CNOT1: variants seen among roughly 807,000 people sequenced by gnomAD.
CNOT1 encodes the protein CCR4-NOT transcription complex subunit 1.
Under a neutral mutation model 273.8 loss-of-function variants are expected in CNOT1, and 15 were observed. The ratio of observed to expected loss-of-function variants is 0.05; its 90% CI spans 0.04 to 0.08. The LOEUF is 0.08. CNOT1 is among the 10% of genes least tolerant of loss of function. The pLI is 1.00. For missense variants in CNOT1, 1,644 were observed against 2,912.2 expected (o/e 0.56, Z 10.02); for synonymous variants, 1,022 against 1,005.5 (o/e 1.02, Z -0.31).
intron 21 of CNOT1, among the ~76,000 whole-genome samples, chr16:58,554,235 AGTAAC>A (rs1252092321): frequency 6.6e-6 from 1 of 152,130 alleles, no homozygotes; most frequent in Admixed American, 6.5e-5. Context: ...ACTGAAACGT[AGTAAC>A]GTAAGTCTCA....
intron 20 of CNOT1, 31 bp downstream of exon 20, chr16:58,555,753 A>C: frequency 1.2e-6 from 2 of 1,612,782 alleles, no homozygotes; most frequent in Non-Finnish European, 1.7e-6. Context: ...TGGCCTAAAC[A>C]ATAAATAAGT....
intron 16 of CNOT1, among the ~76,000 whole-genome samples, chr16:58,560,982 G>A (rs542759318): frequency 1.3e-5 from 2 of 152,168 alleles, no homozygotes; most frequent in South Asian, 4.1e-4. Flanking sequence ...CCGAGATCGC[G>A]CCACTGCACT....
At position 58,540,450 on chromosome 16, in the gene CNOT1, A is replaced by C. The variant is rs557500029; in HGVS notation, c.4801-491T>G. ...ACCTAGTCATGAGAATACACTGGAC[A>C]AACAAATCAAGTCATTTAGAAAATA... On this transcript the variant is annotated intron_variant, in intron 34 of 48. Coordinates refer to ENST00000317147, the MANE Select transcript of CNOT1 (RefSeq NM_016284.5). Among the ~76,000 whole-genome samples, 264 of 152,366 alleles carry C rather than the reference A, an allele frequency of 1.7e-3. 2 individuals carry two copies. The highest frequency in any genetic ancestry group is 6.2e-3 in the African/African-American group (258 of 41,592).
At chr16:58,619,523 G>T (rs543314086) in intron 1 of CNOT1, among the ~76,000 whole-genome samples, 9 of 152,008 alleles carry the variant, frequency 5.9e-5, no homozygotes, top group African/African-American at 2.2e-4. Context: ...CGCCTCCCAG[G>T]TTCAAGCAAT....
Position 58,551,242 on chromosome 16 carries a change from A to G in CNOT1, c.3232T>C (p.Leu1078=). ...TCAGTTTGATCTGTGGCCACAAGCA[A>G]CGTATCTATATTTGTAGTATTAATA... ...PSINTTNIDT[L]LVATDQTERI... Residue 1078 remains leucine (L), a synonymous_variant, in exon 24 of 49, where the codon TTG becomes CTG. Coordinates refer to ENST00000317147, the MANE Select transcript of CNOT1 (RefSeq NM_016284.5). The G allele has an allele frequency of 6.2e-7, 1 of 1,601,402 alleles. No individual in the cohort carries two copies. The highest frequency in any genetic ancestry group is 8.5e-7 in the Non-Finnish European group (1 of 1,177,232).
chr16:58,561,972 CAGGTCAGAAGCTG>C (rs1190689747), intron 16 of CNOT1, among the ~76,000 whole-genome samples: 3 of 152,058 alleles, frequency 2.0e-5, no homozygotes, highest in South Asian at 2.1e-4. Flanking sequence ...GTCAGAAACT[CAGGTCAGAAGCTG>C]AGGTCAGAAG....
intron 1 of CNOT1, among the ~76,000 whole-genome samples, chr16:58,622,392 G>A (rs999254287): frequency 6.8e-6 from 1 of 146,650 alleles, no homozygotes; most frequent in Non-Finnish European, 1.5e-5. Context: ...TATTGGGGCA[G>A]GAGATAATAC....
intron 1 of CNOT1, among the ~76,000 whole-genome samples, chr16:58,621,780 G>A (rs1287282960): frequency 1.3e-5 from 2 of 148,740 alleles, no homozygotes; most frequent in Non-Finnish European, 3.0e-5. Context: ...CAAATTAGCC[G>A]GGTGCCTGTA....
chr16:58,625,244 G>A (rs1360533445), intron 1 of CNOT1, among the ~76,000 whole-genome samples: 1 of 152,154 alleles, frequency 6.6e-6, no homozygotes, highest in Non-Finnish European at 1.5e-5. Context: ...CCTGGGCAGT[G>A]GCTCACGCCT....
intron 1 of CNOT1, among the ~76,000 whole-genome samples, chr16:58,616,553 A>G (rs191787812): frequency 6.6e-6 from 1 of 152,314 alleles, no homozygotes; most frequent in African/African-American, 2.4e-5. Flanking sequence ...CACAGCATCC[A>G]GCTGGTTTTT....
chr16:58,625,470 C>G (rs1351719962), intron 1 of CNOT1, among the ~76,000 whole-genome samples: 1 of 152,036 alleles, frequency 6.6e-6, no homozygotes, highest in Non-Finnish European at 1.5e-5. Flanking sequence ...AGAGATCACA[C>G]TATTGCACTC....
chr16:58,540,925 G>T (rs953487315), intron 34 of CNOT1, among the ~76,000 whole-genome samples: 1 of 152,094 alleles, frequency 6.6e-6, no homozygotes, highest in East Asian at 1.9e-4. Flanking sequence ...AAATGGGAAG[G>T]CTGGGCACAA....
In CNOT1 at chr16:58,602,567, A is replaced by C. The variant is rs988521758; in HGVS notation, c.-174-3056T>G. Among the ~76,000 whole-genome samples the C allele has an allele frequency of 6.0e-4, 87 of 146,108 alleles. 2 individuals are homozygous for C. Among genetic ancestry groups the C allele is most frequent in the African/African-American group, 1.9e-3 (75 of 40,384 alleles). Reference sequence around the variant, plus strand: ...GACTCTGTCTCCAAAAAAAAAAAAAAAAAAAAAAAACCCATCCATAAATTA... The same window carrying C: ...GACTCTGTCTCCAAAAAAAAAAAAACAAAAAAAAAACCCATCCATAAATTA... On this transcript the variant is annotated intron_variant, in intron 1 of 48. Coordinates refer to ENST00000317147, the MANE Select transcript of CNOT1 (RefSeq NM_016284.5).
intron 41 of CNOT1, 39 bp from the exon 42 acceptor site, chr16:58,532,114 C>T (rs201730888): frequency 8.2e-5 from 132 of 1,613,104 alleles, no homozygotes; most frequent in Non-Finnish European, 1.0e-4. Context: ...CACAGTCCAA[C>T]TTAAATACAG....
At chr16:58,612,162 T>C (rs1420608134) in intron 1 of CNOT1, among the ~76,000 whole-genome samples, 1 of 151,998 alleles carries the variant, frequency 6.6e-6, no homozygotes, top group Admixed American at 6.6e-5. Flanking sequence ...GGCAGTTTGG[T>C]TTCCCACAGC....
chr16:58,534,516 C>T, intron 39 of CNOT1, 121 bp from the exon 40 acceptor site: 1 of 1,117,698 alleles, frequency 8.9e-7, no homozygotes, highest in Admixed American at 2.8e-5. Context: ...ATTTCTAATT[C>T]TTACATTGTA....
intron 39 of CNOT1, 63 bp from the exon 40 acceptor site, chr16:58,534,458 C>T (rs2151907657): frequency 3.9e-6 from 6 of 1,548,006 alleles, no homozygotes; most frequent in Middle Eastern, 1.7e-4. Context: ...CTTCATATAC[C>T]TTTAATTTTC....
intron 16 of CNOT1, among the ~76,000 whole-genome samples, chr16:58,570,529 C>A (rs1454385452): frequency 6.6e-6 from 1 of 152,120 alleles, no homozygotes; most frequent in Non-Finnish European, 1.5e-5. Context: ...GTCCCAGCTA[C>A]CTGGGAGGAC....
chr16:58,601,752 A>AAAAAAAAAAAAAAAAC (rs2042473902), intron 1 of CNOT1, among the ~76,000 whole-genome samples: 4 of 148,782 alleles, frequency 2.7e-5, no homozygotes, highest in Non-Finnish European at 4.5e-5. Flanking sequence ...AAAAAAAAAA[A>AAAAAAAAAAAAAAAAC]AAGCCTGTGC....
Sources: allele counts gnomAD v4.1 joint callset (sites outside exome capture counted in the v4.1 genomes callset), GRCh38; gene constraint gnomAD v4.1.1; transcripts MANE v1.5; gene names NCBI Gene and HGNC (gene_info 2026-07-23, HGNC 2026-07-21).